KIF21A: variants seen among roughly 807,000 people sequenced by gnomAD.
KIF21A encodes kinesin-like protein KIF21A.
KIF21A carries 114 observed loss-of-function variants against 202.9 expected under a neutral mutation model. That is an observed-to-expected ratio of 0.56 (90% CI 0.48 to 0.66). The LOEUF (loss-of-function observed/expected upper bound fraction) is 0.66, where lower values mean the gene tolerates loss of function less well. Ranked by LOEUF, KIF21A falls within the 30% of genes least tolerant of loss-of-function variation. The pLI, the probability that KIF21A is intolerant of heterozygous loss-of-function variation, is 0.00. For synonymous variants in KIF21A, 667 were observed against 670.8 expected, an observed-to-expected ratio of 0.99 and a Z score of 0.09; for missense variants, 1,677 against 1,994.9, an observed-to-expected ratio of 0.84 and a Z score of 3.04.
intron 17 of KIF21A, 147 bp from the exon 18 acceptor site, chr12:39,333,427 G>C (rs1481741247): frequency 3.0e-6 from 2 of 659,136 alleles, no homozygotes; most frequent in Non-Finnish European, 5.3e-6. Flanking sequence ...TATTATTACA[G>C]GTACAGCTAT....
At position 39,357,260 on chromosome 12, in the gene KIF21A, G is replaced by T. The variant is rs1948846699; in HGVS notation, c.1393C>A (p.Leu465Ile). Residue 465 changes from leucine to isoleucine, a missense_variant, in exon 9 of 38, where the codon CTT (leucine) becomes ATT (isoleucine). Leu to Ile is a conservative substitution (Grantham distance 5). Around this residue, in one of 3 missense-constraint regions of KIF21A, gnomAD observed 966 missense variants for 1,180.9 expected, o/e 0.82. Coordinates refer to ENST00000361418, the MANE Select transcript of KIF21A (RefSeq NM_001173464.2). ...QLVSDQANHV[L>I]ARAGEGNEEI... Reference sequence around the variant, plus strand: ...CCTACCCACATACCTGCTCTGGCAAGAACATGGTTGGCCTGATCACTAACA... The same window carrying T: ...CCTACCCACATACCTGCTCTGGCAATAACATGGTTGGCCTGATCACTAACA... The T allele has an allele frequency of 1.2e-6, 2 of 1,613,950 alleles. No individual in the cohort carries two copies. The highest frequency in any genetic ancestry group is 1.3e-5 in the African/African-American group (1 of 74,916).
intron 34 of KIF21A, 43 bp downstream of exon 34, chr12:39,307,522 T>A: frequency 6.3e-7 from 1 of 1,576,128 alleles, no homozygotes; most frequent in Non-Finnish European, 8.7e-7. Flanking sequence ...TCTGAAGTTG[T>A]ATTTGCCATA....
Position 39,304,901 on chromosome 12 carries a change from G to A in KIF21A, c.4480C>T (p.Pro1494Ser), listed in dbSNP as rs756554787. The change falls in exon 35 of 38, where the codon CCT (proline) becomes TCT (serine). Residue 1494 changes from proline (P) to serine (S), a missense_variant. Pro to Ser is a moderately conservative substitution (Grantham distance 74). Coordinates refer to ENST00000361418, the MANE Select transcript of KIF21A (RefSeq NM_001173464.2). ...TGATCCACAGTAAGGCACATAACAG[G>A]GCCTAGGTGTCCTGTTAACTTTCCT... ...STGKLTGHLG[P>S]VMCLTVDQIS... The A allele has an allele frequency of 6.2e-7, 1 of 1,604,388 alleles. No individual in the cohort carries two copies. The highest frequency in any genetic ancestry group is 2.2e-5 in the East Asian group (1 of 44,758).
chr12:39,364,337 T>C (rs530651524), intron 6 of KIF21A, among the ~76,000 whole-genome samples: 2 of 152,280 alleles, frequency 1.3e-5, no homozygotes, highest in African/African-American at 4.8e-5. Context: ...TAGATATGTC[T>C]CAACATGCTT....
intron 17 of KIF21A, among the ~76,000 whole-genome samples, chr12:39,336,412 G>A (rs1039853198): frequency 1.3e-5 from 2 of 151,980 alleles, no homozygotes; most frequent in African/African-American, 4.8e-5. Flanking sequence ...ACATTTATTT[G>A]TAAAATGACC....
At chr12:39,432,617 C>CTT (rs200987357) in intron 1 of KIF21A, among the ~76,000 whole-genome samples, 10 of 145,044 alleles carry the variant, frequency 6.9e-5, no homozygotes, top group South Asian at 4.4e-4. Flanking sequence ...TGGACAAATT[C>CTT]TTTTTTTTTT....
chr12:39,313,669 G>A (rs1184720598), intron 31 of KIF21A, among the ~76,000 whole-genome samples: 2 of 151,626 alleles, frequency 1.3e-5, no homozygotes, highest in African/African-American at 4.8e-5. Context: ...ATATATTAAA[G>A]AACTGGACAT....
intron 1 of KIF21A, among the ~76,000 whole-genome samples, chr12:39,406,845 C>G (rs538270699): frequency 5.3e-5 from 8 of 152,158 alleles, no homozygotes; most frequent in Non-Finnish European, 1.2e-4. Flanking sequence ...AATCAACCCA[C>G]TCTCCAAAAT....
intron 1 of KIF21A, among the ~76,000 whole-genome samples, chr12:39,377,790 G>C (rs527862809): frequency 6.6e-6 from 1 of 152,124 alleles, no homozygotes; most frequent in African/African-American, 2.4e-5. Flanking sequence ...GTGTTCCAGG[G>C]ACTAGGGAGT....
intron 11 of KIF21A, among the ~76,000 whole-genome samples, chr12:39,349,087 C>T (rs890735797): frequency 2.0e-5 from 3 of 151,858 alleles, no homozygotes; most frequent in Non-Finnish European, 4.4e-5. Context: ...AAGGGAGGAA[C>T]GGATCAAGGT....
chr12:39,363,490 A>T (rs970805614), intron 6 of KIF21A, among the ~76,000 whole-genome samples: 18 of 152,096 alleles, frequency 1.2e-4, no homozygotes, highest in African/African-American at 4.3e-4. Flanking sequence ...TTACCCCTAG[A>T]ATTATCAGAG....
At chr12:39,305,778 G>T (rs1490289466) in intron 34 of KIF21A, among the ~76,000 whole-genome samples, 1 of 152,106 alleles carries the variant, frequency 6.6e-6, no homozygotes, top group Non-Finnish European at 1.5e-5. Flanking sequence ...GGACTGATTA[G>T]GTCCAATTTG....
At chr12:39,398,639 G>A (rs920922050) in intron 1 of KIF21A, among the ~76,000 whole-genome samples, 43 of 152,114 alleles carry the variant, frequency 2.8e-4, no homozygotes, top group African/African-American at 8.7e-4. Flanking sequence ...CAACTTCAAA[G>A]GCCCTATAAT....
chr12:39,368,167 A>G (rs1381073813), intron 3 of KIF21A, 135 bp from the exon 4 acceptor site: 2 of 613,292 alleles, frequency 3.3e-6, no homozygotes, highest in African/African-American at 3.7e-5. Context: ...AAAATAACAC[A>G]TTAAAATGAA....
rs1244501187 is a variant in KIF21A at position 39,332,343 on chromosome 12, C to T, written c.2922G>A (p.Glu974=). Residue 974 remains glutamate (E), a synonymous_variant, in exon 21 of 38, where the codon GAG becomes GAA. Transcript: ENST00000361418. ...LSKRREKIVK[E]NGEGDKNVAN... ...CCACATTTTTATCTCCCTCTCCATT[C>T]TCCTTGACTATCTTCTCCCTTCTTT... 2.5e-6 allele frequency: 4 copies of T among 1,613,876 alleles called. No individual in the cohort carries two copies. Among genetic ancestry groups the T allele is most frequent in the Admixed American group, 1.7e-5 (1 of 59,982 alleles).
chr12:39,346,770 G>A (rs1050386809), intron 11 of KIF21A, among the ~76,000 whole-genome samples: 2 of 151,876 alleles, frequency 1.3e-5, no homozygotes, highest in African/African-American at 4.8e-5. Context: ...AAAATGTATA[G>A]TCTCAATTTA....
Position 39,330,634 on chromosome 12 carries a change from G to A in KIF21A, c.3319+112C>T, listed in dbSNP as rs535999370. ...GAAAGAATAATTATTAAAAGCATGAGTAAATATAGCATCTATTCAGTCAAG... is the reference window on the plus strand; with the variant it reads ...GAAAGAATAATTATTAAAAGCATGAATAAATATAGCATCTATTCAGTCAAG... On this transcript the variant is annotated intron_variant, in intron 23 of 37. Coordinates refer to ENST00000361418, the MANE Select transcript of KIF21A (RefSeq NM_001173464.2). 6.6e-5 allele frequency: 60 copies of A among 904,036 alleles called. No homozygotes were observed. The African/African-American group carries it at 6.7e-4, about 10-fold the overall frequency. 56.0% of individuals were successfully genotyped at this position (904,036 alleles called of 1,614,324 possible).
At chr12:39,363,576 G>A (rs1949394433) in intron 6 of KIF21A, among the ~76,000 whole-genome samples, 1 of 152,088 alleles carries the variant, frequency 6.6e-6, no homozygotes, top group Admixed American at 6.5e-5. Flanking sequence ...AAAATAAAAT[G>A]TTTAGTTAGT....
chr12:39,376,509 T>C (rs1377021983), intron 1 of KIF21A, among the ~76,000 whole-genome samples: 1 of 152,200 alleles, frequency 6.6e-6, no homozygotes, highest in Non-Finnish European at 1.5e-5. Context: ...TAAATTGTTA[T>C]GGTACAATTT....
Sources: allele counts gnomAD v4.1 joint callset (sites outside exome capture counted in the v4.1 genomes callset), GRCh38; gene constraint gnomAD v4.1.1; regional missense constraint gnomAD v4.1.1; transcripts MANE v1.5; gene names NCBI Gene and HGNC (gene_info 2026-07-23, HGNC 2026-07-21).